PRSS12: variants seen among roughly 807,000 people sequenced by gnomAD.
PRSS12 encodes serine protease 12.
In PRSS12, 85 loss-of-function variants were observed where a neutral mutation model predicts 104.4. The ratio of observed to expected loss-of-function variants is 0.81; its 90% CI spans 0.68 to 0.98. The LOEUF (loss-of-function observed/expected upper bound fraction) is 0.98, where lower values mean the gene tolerates loss of function less well. Ranked by LOEUF, PRSS12 falls within the 50% of genes least tolerant of loss-of-function variation. PRSS12 has a pLI of 0.00. For synonymous variants in PRSS12, 454 were observed against 425.2 expected (o/e 1.07, Z -0.83); for missense variants, 1,141 against 1,139.2 (o/e 1.00, Z -0.02).
chr4:118,321,179 T>A (rs559790041), intron 4 of PRSS12, among the ~76,000 whole-genome samples: 2 of 152,270 alleles, frequency 1.3e-5, no homozygotes, highest in South Asian at 4.2e-4. Context: ...ATTTTGTGAG[T>A]GAATTTGTTT....
intron 5 of PRSS12, among the ~76,000 whole-genome samples, chr4:118,317,975 A>G (rs945495495): frequency 3.3e-5 from 5 of 152,172 alleles, no homozygotes; most frequent in African/African-American, 1.2e-4. Context: ...TTTCTTTCAC[A>G]GTGTGCTTTA....
chr4:118,314,875 T>C (rs1743864574), intron 6 of PRSS12, among the ~76,000 whole-genome samples: 1 of 152,022 alleles, frequency 6.6e-6, no homozygotes, highest in South Asian at 2.1e-4. Flanking sequence ...TGAAAATAAA[T>C]AGAAATGACA....
At chr4:118,331,669 T>C (rs1435804439) in intron 4 of PRSS12, 47 bp downstream of exon 4, 2 of 1,612,362 alleles carry the variant, frequency 1.2e-6, no homozygotes, top group East Asian at 2.2e-5. Flanking sequence ...GGTATGGAAA[T>C]AATAAGATTC....
chr4:118,307,057 A>G (rs1743574554), intron 8 of PRSS12, among the ~76,000 whole-genome samples: 1 of 152,216 alleles, frequency 6.6e-6, no homozygotes, highest in Admixed American at 6.5e-5. Context: ...TAATGCAAGA[A>G]CAAGAATAAT....
At position 118,299,785 on chromosome 4, in the gene PRSS12, A is replaced by AAAAT. The variant is rs1284103330; in HGVS notation, c.1632-851_1632-848dup. ...AAAATTAAATAAAATAAAATAAAAT[A>AAAAT]AAATAAAATAAATAAAATAAAATAA... On this transcript the variant is annotated intron_variant, in intron 8 of 12. Coordinates refer to ENST00000296498, the MANE Select transcript of PRSS12 (RefSeq NM_003619.4). Among the ~76,000 whole-genome samples the AAAAT allele has an allele frequency of 3.1e-3, 303 of 97,548 alleles. 3 individuals are homozygous for AAAAT. Among genetic ancestry groups the AAAAT allele is most frequent in the African/African-American group, 6.7e-3 (198 of 29,486 alleles). The allele number at this position is 97,548 out of a possible 152,430, so 64.0% of individuals were successfully genotyped here.
At chr4:118,331,349 TG>T (rs942264688) in intron 4 of PRSS12, among the ~76,000 whole-genome samples, 1 of 152,222 alleles carries the variant, frequency 6.6e-6, no homozygotes, top group African/African-American at 2.4e-5. Flanking sequence ...CAACATTTCA[TG>T]ACTAGAAGTT....
chr4:118,349,453 G>A lies in PRSS12; in HGVS notation c.502+2766C>T, dbSNP rs190277005. Among the ~76,000 whole-genome samples, 121 of 150,860 alleles carry A rather than the reference G, an allele frequency of 8.0e-4. 1 individual carries two copies. Among genetic ancestry groups the A allele is most frequent in the African/African-American group, 2.9e-3 (118 of 41,202 alleles). ...GATACCAGATATCTTTTAAGCATAA[G>A]AGACTGTAAATCATGTGCATCAGGC... On this transcript the variant is annotated intron_variant, in intron 1 of 12. Coordinates refer to ENST00000296498, the MANE Select transcript of PRSS12 (RefSeq NM_003619.4).
intron 9 of PRSS12, among the ~76,000 whole-genome samples, chr4:118,296,262 T>TCAA (rs1434835117): frequency 1.1e-4 from 17 of 152,234 alleles, no homozygotes; most frequent in Admixed American, 1.1e-3. Context: ...GCAAGACTGT[T>TCAA]CTAAGTCACA....
intron 11 of PRSS12, among the ~76,000 whole-genome samples, chr4:118,287,350 A>G (rs1266283516): frequency 6.6e-6 from 1 of 152,088 alleles, no homozygotes; most frequent in Non-Finnish European, 1.5e-5. Context: ...GGGTCTCACT[A>G]TGTTGCCTTG....
chr4:118,301,846 T>C (rs866155711), intron 8 of PRSS12, among the ~76,000 whole-genome samples: 2 of 152,214 alleles, frequency 1.3e-5, no homozygotes, highest in Non-Finnish European at 2.9e-5. Flanking sequence ...CTCTTTCCAG[T>C]TGATTCTCTT....
chr4:118,293,058 A>G (rs1261147284), intron 11 of PRSS12, among the ~76,000 whole-genome samples: 1 of 151,502 alleles, frequency 6.6e-6, no homozygotes, highest in Non-Finnish European at 1.5e-5. Context: ...TAAAATACAT[A>G]TTATCTGCAG....
intron 2 of PRSS12, among the ~76,000 whole-genome samples, chr4:118,336,912 TA>T (rs1349768659): frequency 6.6e-6 from 1 of 152,252 alleles, no homozygotes; most frequent in East Asian, 1.9e-4. Flanking sequence ...TTTGCCAGAC[TA>T]AGTATTCATG....
At chr4:118,302,158 A>G (rs1743419144) in intron 8 of PRSS12, among the ~76,000 whole-genome samples, 1 of 152,146 alleles carries the variant, frequency 6.6e-6, no homozygotes, top group Admixed American at 6.5e-5. Context: ...GACACACTGA[A>G]TTACATTAAT....
chr4:118,314,040 C>T (rs1382990391), intron 6 of PRSS12, among the ~76,000 whole-genome samples: 1 of 152,116 alleles, frequency 6.6e-6, no homozygotes, highest in Non-Finnish European at 1.5e-5. Context: ...AATATATATG[C>T]TGCAGAAATA....
intron 1 of PRSS12, among the ~76,000 whole-genome samples, chr4:118,347,025 T>C (rs867700172): frequency 6.6e-6 from 1 of 151,684 alleles, no homozygotes; most frequent in South Asian, 2.1e-4. Context: ...TATACACCCC[T>C]GGACAATAGC....
intron 8 of PRSS12, among the ~76,000 whole-genome samples, chr4:118,305,271 G>T (rs1183759335): frequency 2.0e-5 from 3 of 151,642 alleles, no homozygotes; most frequent in Non-Finnish European, 4.4e-5. Flanking sequence ...CTATTTGATG[G>T]CAAATTGCAG....
At chr4:118,312,146 C>T (rs1346905523) in intron 7 of PRSS12, among the ~76,000 whole-genome samples, 2 of 152,128 alleles carry the variant, frequency 1.3e-5, no homozygotes, top group Non-Finnish European at 2.9e-5. Context: ...ACCAAGCTCT[C>T]ACAGTGTACA....
chr4:118,352,515 G>T lies in PRSS12; in HGVS notation c.206C>A (p.Pro69Gln), dbSNP rs1724541215. The T allele has an allele frequency of 6.9e-7, 1 of 1,453,748 alleles. No individual in the cohort carries two copies. The highest frequency in any genetic ancestry group is 9.1e-7 in the Non-Finnish European group (1 of 1,099,750). 90.1% of individuals were successfully genotyped at this position (1,453,748 alleles called of 1,614,324 possible). The change falls in exon 1 of 13, where the codon CCG becomes CAG. Residue 69 changes from proline (P) to glutamine (Q), a missense_variant. Coordinates refer to ENST00000296498, the MANE Select transcript of PRSS12 (RefSeq NM_003619.4). ...CGGGCGCTGGGCAGGGAGCGCCCGC[G>T]GGGGGCGCGGGAAGCGCGGGAGAGG... ...PPPLPRFPRP[P>Q]RALPAQRPHA...
At chr4:118,332,462 C>T (rs1301156945) in intron 3 of PRSS12, among the ~76,000 whole-genome samples, 1 of 152,188 alleles carries the variant, frequency 6.6e-6, no homozygotes, top group Non-Finnish European at 1.5e-5. Flanking sequence ...AATGTGACTA[C>T]CGTCTCATAA....
Sources: allele counts gnomAD v4.1 joint callset (sites outside exome capture counted in the v4.1 genomes callset), GRCh38; gene constraint gnomAD v4.1.1; transcripts MANE v1.5; gene names NCBI Gene and HGNC (gene_info 2026-07-23, HGNC 2026-07-21).